DIDO1: variants seen among roughly 807,000 people sequenced by gnomAD.
DIDO1 encodes the protein death-inducer obliterator 1.
Under a neutral mutation model 99.4 loss-of-function variants are expected in DIDO1, and 16 were observed. That is an observed-to-expected ratio of 0.16 (90% CI 0.11 to 0.24). The LOEUF (loss-of-function observed/expected upper bound fraction) is 0.24. Ranked by LOEUF, DIDO1 falls within the 10% of genes least tolerant of loss-of-function variation. The pLI is 1.00. For synonymous variants in DIDO1, 1,366 were observed against 1,239.1 expected, an observed-to-expected ratio of 1.10 and a Z score of -2.15; for missense variants, 2,996 against 3,014.0, an observed-to-expected ratio of 0.99 and a Z score of 0.14.
upstream of DIDO1, among the ~76,000 whole-genome samples, chr20:62,926,892 TG>T (rs1460642210): frequency 9.9e-5 from 15 of 152,206 alleles, no homozygotes; most frequent in East Asian, 2.7e-3. Flanking sequence ...GGGCTAAATT[TG>T]TAAGAGGTGT....
rs368520042 is a variant in DIDO1 at position 62,892,865 on chromosome 20, C to T, written c.3199G>A (p.Ala1067Thr). The change falls in exon 13 of 16, where the codon GCA becomes ACA. Residue 1067 changes from alanine to threonine, a missense_variant. By Grantham distance (58) the Ala-to-Thr change is moderately conservative. Around this residue, in one of 5 missense-constraint regions of DIDO1, gnomAD observed 135 missense variants for 202.3 expected, o/e 0.67. Transcript: ENST00000395343. The stretch of plus-strand genomic sequence containing the variant: ...GGATACGCCTTAGTGACAAATTTTG[C>T]CACACTCTGCATGTTAATAAATCCT... ...WKGFINMQSV[A>T]KFVTKAYPVS... 49 of 1,613,962 alleles carry T rather than the reference C, an allele frequency of 3.0e-5. No individual in the cohort carries two copies. Among genetic ancestry groups the T allele is most frequent in the Non-Finnish European group, 4.1e-5 (48 of 1,180,002 alleles).
At chr20:62,904,729 G>A (rs1278851775) in intron 6 of DIDO1, among the ~76,000 whole-genome samples, 2 of 136,472 alleles carry the variant, frequency 1.5e-5, no homozygotes, top group Admixed American at 8.0e-5. Context: ...GCAGTGAGCC[G>A]AGATCATGCC....
chr20:62,922,520 G>GT (rs1010223193), intron 1 of DIDO1, among the ~76,000 whole-genome samples: 2 of 151,996 alleles, frequency 1.3e-5, no homozygotes, highest in Non-Finnish European at 2.9e-5. Context: ...GGGGTACAGT[G>GT]TACCAGGCAG....
chr20:62,928,624 T>A (rs989253755), upstream of DIDO1: 2 of 152,350 alleles, frequency 1.3e-5, no homozygotes, highest in East Asian at 3.9e-4. Flanking sequence ...AAAAGAATAC[T>A]TTTTCCTAAC....
Position 62,880,970 on chromosome 20 carries a change from T to A in DIDO1, c.4986A>T (p.Thr1662=). ...CGGGCTGCAGGGCGCCGCAAGGCGG[T>A]GTGGGCAGCAGCACCCTCCGGGCAG... ...ARPARRVLLP[T]PPCGALQPGF... is the part of the protein sequence containing the mutation. Residue 1662 remains threonine, a synonymous_variant, in exon 16 of 16, where the codon ACA becomes ACT. Transcript: ENST00000395343. 1 of 1,606,634 alleles carries A rather than the reference T, an allele frequency of 6.2e-7. No individual in the cohort carries two copies. The highest frequency in any genetic ancestry group is 8.5e-7 in the Non-Finnish European group (1 of 1,179,420).
upstream of DIDO1, among the ~76,000 whole-genome samples, chr20:62,931,128 A>G (rs969172863): frequency 6.6e-6 from 1 of 152,072 alleles, no homozygotes; most frequent in African/African-American, 2.4e-5. Flanking sequence ...TTTTGTAGAG[A>G]TGGGGTTTCA....
Position 62,890,803 on chromosome 20 carries a change from C to T in DIDO1, c.3541+157G>A, listed in dbSNP as rs985884090. On this transcript the variant is annotated intron_variant, in intron 15 of 15. Coordinates refer to ENST00000395343, the MANE Select transcript of DIDO1 (RefSeq NM_001193369.2). ...TACTTCTCGTGCCACAGTCCTACGC[C>T]CTCAAAGATGAATCCTATTGCTAAC... 3.9e-5 allele frequency: 58 copies of T among 1,498,696 alleles called. 1 individual carries two copies. The highest frequency in any genetic ancestry group is 5.0e-5 in the Non-Finnish European group (56 of 1,127,618). The allele number at this position is 1,498,696 out of a possible 1,614,324, so 92.8% of individuals were successfully genotyped here. A position where few individuals can be genotyped will look rare whatever the true frequency, so the allele number is the denominator to read the frequency against.
At chr20:62,913,682 T>A (rs1429263229) in intron 2 of DIDO1, among the ~76,000 whole-genome samples, 1 of 152,366 alleles carries the variant, frequency 6.6e-6, no homozygotes, top group African/African-American at 2.4e-5. Flanking sequence ...AGTAAAGATG[T>A]AGTCTGAGGG....
chr20:62,895,001 A>G (rs2147407881), intron 9 of DIDO1, 48 bp downstream of exon 9: 1 of 1,597,486 alleles, frequency 6.3e-7, no homozygotes, highest in Non-Finnish European at 8.6e-7. Flanking sequence ...ATTTATTTCT[A>G]TTAAGCTCGA....
chr20:62,879,410 C>T lies in DIDO1; in HGVS notation c.6546G>A (p.Glu2182=), dbSNP rs2064156937. ...GGTCCCGGTCGCGCCTCCGGTCTCG[C>T]TCGCGCTCTCGGTTCCTGCTCCGCT... ...SRERSRNRER[E]RDRRRDRDRS... The change falls in exon 16 of 16, where the codon GAG becomes GAA. Residue 2182 remains glutamate, a synonymous_variant. Coordinates refer to ENST00000395343, the MANE Select transcript of DIDO1 (RefSeq NM_001193369.2). The surrounding 1 kb of genome is among the most constrained non-coding windows in gnomAD (Gnocchi z 6.3). 5.2e-6 allele frequency: 8 copies of T among 1,543,220 alleles called. No homozygotes were observed. Among genetic ancestry groups the T allele is most frequent in the Admixed American group, 2.0e-5 (1 of 51,176 alleles).
Position 62,891,559 on chromosome 20 carries a change from C to T in DIDO1, c.3346-404G>A, listed in dbSNP as rs527966198. On this transcript the variant is annotated intron_variant, in intron 14 of 15. Transcript: ENST00000395343. ...TCAGGGGGTCCCAGAAAACCAGAAC[C>T]GTTCAAGAGCCCAGGTTGAGTGCCC... 1.2e-3 allele frequency among the ~76,000 whole-genome samples: 181 copies of T among 152,210 alleles called. 1 individual carries two copies. The highest frequency in any genetic ancestry group is 4.2e-3 in the African/African-American group (173 of 41,522).
At chr20:62,932,451 AAAAAG>A (rs1286612682) in intron 1 of DIDO1, among the ~76,000 whole-genome samples, 1 of 152,260 alleles carries the variant, frequency 6.6e-6, no homozygotes, top group Admixed American at 6.5e-5. Flanking sequence ...AATTTTTATA[AAAAAG>A]AAAAGTCAGA....
In DIDO1 at chr20:62,892,944, G is replaced by A. The variant is rs149373794; in HGVS notation, c.3120C>T (p.Ser1040=). The A allele has an allele frequency of 2.5e-4, 404 of 1,612,514 alleles. No homozygotes were observed. The African/African-American group carries it at 4.6e-3, about 18-fold the overall frequency. Residue 1040 remains serine (S), a synonymous_variant, in exon 13 of 16, where the codon TCC becomes TCT. Coordinates refer to ENST00000395343, the MANE Select transcript of DIDO1 (RefSeq NM_001193369.2). ...AGAGGGTCGTGTCTCCCTCTGGAGG[G>A]GAACGTGATTCTGAAGTGCTGTAAA... ...SPNISTSESR[S]PPEGDTTLFL...
In DIDO1 at chr20:62,891,881, G is replaced by T. The variant is rs537003629; in HGVS notation, c.3345+106C>A. 8 of 908,604 alleles carry T rather than the reference G, an allele frequency of 8.8e-6. No homozygotes were observed. In the East Asian group the frequency reaches 1.9e-4, roughly 21 times the overall value. 56.3% of individuals were successfully genotyped at this position (908,604 alleles called of 1,614,324 possible). On this transcript the variant is annotated intron_variant, in intron 14 of 15. Transcript: ENST00000395343. Reference sequence around the variant, plus strand: ...ACCTGGAAATATCTAGTAAGCTACAGGCTAACATTTTAAGTGTTAACCCAT... The same window carrying T: ...ACCTGGAAATATCTAGTAAGCTACATGCTAACATTTTAAGTGTTAACCCAT...
At chr20:62,902,298 C>T (rs189365205) in intron 6 of DIDO1, among the ~76,000 whole-genome samples, 269 of 152,304 alleles carry the variant, frequency 1.8e-3, no homozygotes, top group Middle Eastern at 0.017. Flanking sequence ...TCATTACTGA[C>T]AGCCAAGAAA....
rs766896594 is a variant in DIDO1 at position 62,882,204 on chromosome 20, G to C, written c.3752C>G (p.Ala1251Gly). 4 of 1,613,528 alleles carry C rather than the reference G, an allele frequency of 2.5e-6. No individual in the cohort carries two copies. In the African/African-American group the frequency reaches 5.3e-5, roughly 22 times the overall value. ...CCCAGGAGGTGTGGTGCTGACAGCC[G>C]CGTCTGCAGAGCAGAGTGGATACTT... is the stretch of plus-strand genomic sequence containing the variant. ...PSKYPLCSAD[A>G]AVSTTPPGSP... The change falls in exon 16 of 16, where the codon GCG becomes GGG. Residue 1251 changes from alanine to glycine, a missense_variant. By Grantham distance (60) the Ala-to-Gly change is moderately conservative. Coordinates refer to ENST00000395343, the MANE Select transcript of DIDO1 (RefSeq NM_001193369.2).
chr20:62,894,563 G>GA lies in DIDO1; in HGVS notation c.2437-16dup. 1 of 1,593,476 alleles carries GA rather than the reference G, an allele frequency of 6.3e-7. No individual in the cohort carries two copies. On this transcript the variant is annotated splice_polypyrimidine_tract_variant and intron_variant, in intron 10 of 15. Coordinates refer to ENST00000395343, the MANE Select transcript of DIDO1 (RefSeq NM_001193369.2). The surrounding 1 kb of genome is among the most constrained non-coding windows in gnomAD (Gnocchi z 4.4). ...TCTTGCTGTTCCTAAAAAAGAAAAA[G>GA]AAAAAAAAGTGAGGTCGTTTCTTCT...
In DIDO1 at chr20:62,909,835, G is replaced by C. The variant is rs751314582; in HGVS notation, c.1025C>G (p.Pro342Arg). 1.9e-6 allele frequency: 3 copies of C among 1,614,062 alleles called. No individual in the cohort carries two copies. The highest frequency in any genetic ancestry group is 2.5e-6 in the Non-Finnish European group (3 of 1,180,040). The change falls in exon 4 of 16, where the codon CCT (proline) becomes CGT (arginine). Residue 342 changes from proline to arginine, a missense_variant. Coordinates refer to ENST00000395343, the MANE Select transcript of DIDO1 (RefSeq NM_001193369.2). Reference protein sequence around the residue: ...TADQQEAKWRPGDADGTDCTS... With the variant: ...TADQQEAKWRRGDADGTDCTS... ...ACAATCGGTGCCATCAGCATCTCCA[G>C]GTCTCCATTTAGCTTCCTGCTGATC...
At position 62,892,797 on chromosome 20, in the gene DIDO1, C is replaced by G. The variant is rs373199429; in HGVS notation, c.3255+12G>C. The G allele has an allele frequency of 1.6e-5, 26 of 1,602,820 alleles. No homozygotes were observed. The South Asian group carries it at 2.8e-4, about 17-fold the overall frequency. ...AGACACACACACGCACACACATTTTCTTGGTTCTAACCTCACTGAGGTAAT... is the reference window on the plus strand; with the variant it reads ...AGACACACACACGCACACACATTTTGTTGGTTCTAACCTCACTGAGGTAAT... On this transcript the variant is annotated intron_variant, in intron 13 of 15. Transcript: ENST00000395343.
Sources: allele counts gnomAD v4.1 joint callset (sites outside exome capture counted in the v4.1 genomes callset), GRCh38; gene constraint gnomAD v4.1.1; regional missense constraint gnomAD v4.1.1; non-coding constraint Gnocchi (gnomAD v3.1); transcripts MANE v1.5; gene names NCBI Gene and HGNC (gene_info 2026-07-23, HGNC 2026-07-21).